Variants in CFAP45 observed in about 807,000 individuals in gnomAD.
CFAP45 encodes the protein cilia and flagella associated protein 45.
Under a neutral mutation model 75.6 loss-of-function variants are expected in CFAP45, and 43 were observed. The ratio of observed to expected loss-of-function variants is 0.57; its 90% CI spans 0.45 to 0.73. The LOEUF (loss-of-function observed/expected upper bound fraction) is 0.73. CFAP45 is among the 30% of genes least tolerant of loss of function. The probability of loss-of-function intolerance (pLI) is 0.00; values close to 1 mark genes in which losing one functional copy is unlikely to be tolerated. For synonymous variants in CFAP45, 223 were observed against 244.6 expected, an observed-to-expected ratio of 0.91 and a Z score of 0.82; for missense variants, 689 against 701.5, an observed-to-expected ratio of 0.98 and a Z score of 0.20.
At chr1:159,891,816 C>A (rs931111918) in intron 2 of CFAP45, among the ~76,000 whole-genome samples, 2 of 152,172 alleles carry the variant, frequency 1.3e-5, no homozygotes, top group Non-Finnish European at 2.9e-5. Flanking sequence ...TGAACTCTTA[C>A]CCATCAATGA....
At chr1:159,895,058 C>T (rs1286935229) in intron 1 of CFAP45, among the ~76,000 whole-genome samples, 1 of 152,224 alleles carries the variant, frequency 6.6e-6, no homozygotes, top group Non-Finnish European at 1.5e-5. Context: ...CCTCTTAACA[C>T]ATTCTCTTTT....
At position 159,877,395 on chromosome 1, in the gene CFAP45, C is replaced by A. The variant is rs369854463; in HGVS notation, c.1112G>T (p.Arg371Leu). ...IRREKEKEIARLRAMQEKAQD... is the reference protein window; with the variant it reads ...IRREKEKEIALLRAMQEKAQD... ...GGCCTTCTCCTGCATGGCCCTCAAG[C>A]GTGCGATCTCCTTCTCTTTCTCCCT... The change falls in exon 9 of 12, where the codon CGC becomes CTC. Residue 371 changes from arginine to leucine, a missense_variant. Transcript: ENST00000368099. The A allele has an allele frequency of 2.5e-6, 4 of 1,613,972 alleles. No individual in the cohort carries two copies. Among genetic ancestry groups the A allele is most frequent in the Non-Finnish European group, 3.4e-6 (4 of 1,179,958 alleles).
intron 8 of CFAP45, among the ~76,000 whole-genome samples, chr1:159,878,732 G>C (rs190845942): frequency 2.8e-4 from 25 of 88,324 alleles, no homozygotes; most frequent in Non-Finnish European, 4.7e-4. Flanking sequence ...CTCCAGCCTA[G>C]TGACAGAGCA....
chr1:159,897,448 T>A (rs1449604824), intron 1 of CFAP45, among the ~76,000 whole-genome samples: 1 of 152,038 alleles, frequency 6.6e-6, no homozygotes, highest in African/African-American at 2.4e-5. Context: ...CTGGGCATGG[T>A]GGCACACGCC....
At chr1:159,880,456 G>A (rs970963468) in intron 8 of CFAP45, 98 bp downstream of exon 8, 15 of 1,081,396 alleles carry the variant, frequency 1.4e-5, no homozygotes, top group Admixed American at 4.6e-5. Context: ...ATGAAGGTGC[G>A]GCTGCCTTCC....
Position 159,889,216 on chromosome 1 carries a change from C to T in CFAP45, c.273-720G>A, listed in dbSNP as rs77016862. Among the ~76,000 whole-genome samples the T allele has an allele frequency of 4.2e-3, 629 of 150,866 alleles. 13 individuals are homozygous for T. In the East Asian group the frequency reaches 0.07, roughly 17 times the overall value. ...CTAGCTATCCAACGCATTCAACAAA[C>T]CAATCGCTAATTATAATGATTACAA... On this transcript the variant is annotated intron_variant, in intron 3 of 11. Coordinates refer to ENST00000368099, the MANE Select transcript of CFAP45 (RefSeq NM_012337.3).
intron 8 of CFAP45, among the ~76,000 whole-genome samples, chr1:159,878,753 T>TAAAAA (rs539116292): frequency 0.017 from 537 of 32,454 alleles, 81 homozygotes; most frequent in East Asian, 0.1. Context: ...AGACTACATC[T>TAAAAA]AAAAAAAAAA....
chr1:159,896,802 A>G (rs1649961491), intron 1 of CFAP45, among the ~76,000 whole-genome samples: 1 of 152,200 alleles, frequency 6.6e-6, no homozygotes. Context: ...CCCTCTCTTC[A>G]TAAGCCATCC....
intron 9 of CFAP45, 95 bp from the exon 10 acceptor site, chr1:159,876,844 G>T: frequency 8.4e-7 from 1 of 1,183,820 alleles, no homozygotes; most frequent in Non-Finnish European, 1.2e-6. Flanking sequence ...GACTCTGACA[G>T]TCTGCTTTGA....
chr1:159,899,553 C>T (rs1272805583), intron 1 of CFAP45, among the ~76,000 whole-genome samples: 2 of 150,944 alleles, frequency 1.3e-5, no homozygotes, highest in African/African-American at 4.9e-5. Context: ...CTGCAAGCTC[C>T]GCCTCCCGGG....
intron 11 of CFAP45, 132 bp from the exon 12 acceptor site, chr1:159,872,695 C>A: frequency 2.4e-6 from 2 of 836,878 alleles, no homozygotes; most frequent in Non-Finnish European, 3.9e-6. Flanking sequence ...CAATCCACCC[C>A]CGAAACACAC....
rs1223987342 is a variant in CFAP45 at position 159,873,005 on chromosome 1, C to T, written c.1516G>A (p.Glu506Lys). ...ATGCGCTCACGGCGTTTCTGGGCCT[C>T]CTCTTTGAGGCGCCGGCCCTCCTCA... The part of the protein sequence containing the change: ...TFEEGRRLKE[E>K]AQKRRERIDE... The change falls in exon 11 of 12, where the codon GAG (glutamate) becomes AAG (lysine). Residue 506 changes from glutamate to lysine, a missense_variant. Coordinates refer to ENST00000368099, the MANE Select transcript of CFAP45 (RefSeq NM_012337.3). The T allele has an allele frequency of 1.2e-6, 2 of 1,614,264 alleles. No individual in the cohort carries two copies. The highest frequency in any genetic ancestry group is 4.5e-5 in the East Asian group (2 of 44,882).
At chr1:159,892,324 T>C (rs1649848569) in intron 2 of CFAP45, among the ~76,000 whole-genome samples, 1 of 152,122 alleles carries the variant, frequency 6.6e-6, no homozygotes. Flanking sequence ...AATGCATCTG[T>C]TGATCCTTTC....
intron 2 of CFAP45, among the ~76,000 whole-genome samples, chr1:159,892,884 T>C (rs1235780043): frequency 6.6e-6 from 1 of 152,198 alleles, no homozygotes; most frequent in Non-Finnish European, 1.5e-5. Context: ...ATCATGGAGC[T>C]CAACTGAGCA....
At chr1:159,895,303 A>G (rs1056458386) in intron 1 of CFAP45, among the ~76,000 whole-genome samples, 6 of 152,194 alleles carry the variant, frequency 3.9e-5, no homozygotes, top group Non-Finnish European at 8.8e-5. Context: ...CCTTGAAGGA[A>G]TAGGCCAGGC....
At chr1:159,877,229 C>A in intron 9 of CFAP45, 120 bp downstream of exon 9, 1 of 788,218 alleles carries the variant, frequency 1.3e-6, no homozygotes, top group South Asian at 1.4e-5. Flanking sequence ...CTACTGAAGT[C>A]TAGGTAACTT....
intron 8 of CFAP45, 138 bp downstream of exon 8, chr1:159,880,416 G>GGATGT: frequency 1.4e-6 from 1 of 740,594 alleles, no homozygotes; most frequent in Admixed American, 2.6e-5. Context: ...AAAGAAGCCA[G>GGATGT]GCCCTTGAAC....
intron 2 of CFAP45, among the ~76,000 whole-genome samples, chr1:159,892,851 C>A (rs1057300530): frequency 6.6e-6 from 1 of 152,214 alleles, no homozygotes; most frequent in Non-Finnish European, 1.5e-5. Flanking sequence ...GCAAGCTTAG[C>A]CCATCAGCCC....
intron 8 of CFAP45, among the ~76,000 whole-genome samples, chr1:159,878,802 A>G (rs990602289): frequency 1.5e-5 from 2 of 134,602 alleles, no homozygotes; most frequent in Non-Finnish European, 3.1e-5. Context: ...CCCTCATTCT[A>G]CCTGCCCAGA....
Sources: gnomAD v4.1 joint callset for allele counts (sites outside exome capture counted in the v4.1 genomes callset) on GRCh38, gnomAD v4.1.1 for gene constraint, MANE v1.5 for transcripts, NCBI Gene and HGNC (gene_info 2026-07-23, HGNC 2026-07-21) for gene names.